JAKMIP1: variants seen among roughly 807,000 people sequenced by gnomAD.
JAKMIP1 encodes the protein janus kinase and microtubule interacting protein 1, also known as janus kinase and microtubule-interacting protein 1.
Under a neutral mutation model 113.0 loss-of-function variants are expected in JAKMIP1, and 33 were observed. The observed-to-expected ratio is 0.29, with a 90% confidence interval of 0.22 to 0.39. The LOEUF is 0.39. JAKMIP1 is among the 10% of genes least tolerant of loss of function. JAKMIP1 has a pLI of 1.00. For missense variants in JAKMIP1, 813 were observed against 1,080.5 expected (o/e 0.75, Z 3.47); for synonymous variants, 480 against 459.9 (o/e 1.04, Z -0.56).
intron 8 of JAKMIP1, among the ~76,000 whole-genome samples, chr4:6,077,951 C>T (rs1719915937): frequency 6.6e-6 from 1 of 152,178 alleles, no homozygotes; most frequent in Admixed American, 6.5e-5. Flanking sequence ...ACAGTCCCCA[C>T]CATTCCCTGT....
chr4:6,049,720 A>G lies in JAKMIP1; in HGVS notation c.1962+99T>C, dbSNP rs139776346. 1.5e-4 allele frequency: 131 copies of G among 886,908 alleles called. No individual in the cohort carries two copies. The African/African-American group carries it at 1.9e-3, about 13-fold the overall frequency. 54.9% of individuals were successfully genotyped at this position (886,908 alleles called of 1,614,324 possible). A position where few individuals can be genotyped will look rare whatever the true frequency, so the allele number is the denominator to read the frequency against. On this transcript the variant is annotated intron_variant, in intron 15 of 20. Coordinates refer to ENST00000409021, the MANE Select transcript of JAKMIP1 (RefSeq NM_001099433.2). The surrounding 1 kb of genome is among the most constrained non-coding windows in gnomAD (Gnocchi z 7.0). ...ACATTGTACTTCTTAGATCTCTTAC[A>G]TCAGAGAGAAATTAAAAACAAAACA... is the stretch of plus-strand genomic sequence containing the variant.
Position 6,184,496 on chromosome 4 carries a change from C to A in JAKMIP1, c.-148+15757G>T, listed in dbSNP as rs550527475. Reference sequence around the variant, plus strand: ...GCAGTATAAGAGCCAGGGTGCCTTCCCTCTTCCTCAAGAAAATACTAGAAG... The same window carrying A: ...GCAGTATAAGAGCCAGGGTGCCTTCACTCTTCCTCAAGAAAATACTAGAAG... On this transcript the variant is annotated intron_variant, in intron 1 of 20. Transcript: ENST00000409021. The surrounding 1 kb of genome is among the most constrained non-coding windows in gnomAD (Gnocchi z 4.5). Among the ~76,000 whole-genome samples the A allele has an allele frequency of 1.8e-3, 270 of 152,274 alleles. No homozygotes were observed. Among genetic ancestry groups the A allele is most frequent in the African/African-American group, 6.4e-3 (264 of 41,562 alleles).
intron 8 of JAKMIP1, among the ~76,000 whole-genome samples, chr4:6,068,626 C>T (rs1213339015): frequency 6.7e-6 from 1 of 148,280 alleles, no homozygotes; most frequent in Middle Eastern, 3.3e-3. Context: ...AGTGCAATCT[C>T]AACTTACTAC....
At position 6,089,559 on chromosome 4, in the gene JAKMIP1, C is replaced by T. The variant is rs1232789454; in HGVS notation, c.625-3930G>A. Among the ~76,000 whole-genome samples the T allele has an allele frequency of 6.6e-6, 1 of 152,180 alleles. No homozygotes were observed. The highest frequency in any genetic ancestry group is 2.4e-5 in the African/African-American group (1 of 41,444). ...ACTCTAGTTAGCAGCAGAACCATGA[C>T]TCAAGTGCAGATTGTACTCTCCAAG... On this transcript the variant is annotated intron_variant, in intron 3 of 20. Transcript: ENST00000409021. The surrounding 1 kb of genome is among the most constrained non-coding windows in gnomAD (Gnocchi z 5.3).
At chr4:6,100,621 G>A (rs1216440944) in intron 3 of JAKMIP1, among the ~76,000 whole-genome samples, 3 of 152,156 alleles carry the variant, frequency 2.0e-5, no homozygotes, top group Non-Finnish European at 2.9e-5. Context: ...GTCCGTAGGT[G>A]TCCTTTTTTT....
chr4:6,166,076 C>T (rs1198218050), intron 1 of JAKMIP1, among the ~76,000 whole-genome samples: 3 of 152,288 alleles, frequency 2.0e-5, no homozygotes, highest in Admixed American at 2.0e-4. Flanking sequence ...TTAGAAGGAT[C>T]CTGGTCCCAC....
rs775795052 is a variant in JAKMIP1, at chr4:6,158,160, C to T, written c.-148+42093G>A. ...GAACGCAAGGATGGGGAGAACGGAT[C>T]GCCTCACAGTGTGGAGGGCAGACCA... is the stretch of plus-strand genomic sequence containing the variant. On this transcript the variant is annotated intron_variant, in intron 1 of 20. Coordinates refer to ENST00000409021, the MANE Select transcript of JAKMIP1 (RefSeq NM_001099433.2). This position sits in a 1 kb window ranked among gnomAD's most constrained non-coding sequence, Gnocchi z 5.3. 5.9e-5 allele frequency among the ~76,000 whole-genome samples: 9 copies of T among 152,194 alleles called. No homozygotes were observed. Among genetic ancestry groups the T allele is most frequent in the African/African-American group, 1.9e-4 (8 of 41,448 alleles).
intron 1 of JAKMIP1, among the ~76,000 whole-genome samples, chr4:6,177,341 C>T (rs1725466038): frequency 6.6e-6 from 1 of 152,164 alleles, no homozygotes; most frequent in Non-Finnish European, 1.5e-5. Flanking sequence ...CATAGAAAGA[C>T]AGGATTTGAA....
At chr4:6,147,408 G>A (rs1454470137) in intron 1 of JAKMIP1, among the ~76,000 whole-genome samples, 3 of 152,176 alleles carry the variant, frequency 2.0e-5, no homozygotes, top group Non-Finnish European at 4.4e-5. Flanking sequence ...ACGGAAACAT[G>A]GGAGAATGTC....
intron 1 of JAKMIP1, among the ~76,000 whole-genome samples, chr4:6,182,515 A>G (rs977835700): frequency 6.6e-6 from 1 of 152,204 alleles, no homozygotes; most frequent in Non-Finnish European, 1.5e-5. Flanking sequence ...GCGAGGGCAC[A>G]GTAAGAAGGC....
At chr4:6,114,764 C>CAT (rs1715486733) in intron 1 of JAKMIP1, among the ~76,000 whole-genome samples, 1 of 152,220 alleles carries the variant, frequency 6.6e-6, no homozygotes, top group Non-Finnish European at 1.5e-5. Flanking sequence ...GAGCTTGATA[C>CAT]ATAATTCATT....
rs1720480737 is a variant in JAKMIP1, at chr4:6,143,791, T to A, written c.-147-30794A>T. 6.6e-6 allele frequency among the ~76,000 whole-genome samples: 1 copy of A among 152,314 alleles called. No individual in the cohort carries two copies. On this transcript the variant is annotated intron_variant, in intron 1 of 20. Coordinates refer to ENST00000409021, the MANE Select transcript of JAKMIP1 (RefSeq NM_001099433.2). The surrounding 1 kb of genome is among the most constrained non-coding windows in gnomAD (Gnocchi z 4.9). The stretch of plus-strand genomic sequence containing the variant: ...CACGCTGCTCTAGAACAGTTTTTTA[T>A]TTAAATAGAGAAGAAAAAAGAACAA...
At chr4:6,070,966 G>GA (rs1469050296) in intron 8 of JAKMIP1, among the ~76,000 whole-genome samples, 2 of 152,198 alleles carry the variant, frequency 1.3e-5, no homozygotes, top group South Asian at 2.1e-4. Flanking sequence ...TCATGCTGCA[G>GA]AAAAAATGGA....
rs1722481456 is a variant in JAKMIP1, at chr4:6,158,172, TG to T, written c.-148+42080del. 6.6e-6 allele frequency among the ~76,000 whole-genome samples: 1 copy of T among 152,214 alleles called. No homozygotes were observed. Among genetic ancestry groups the T allele is most frequent in the African/African-American group, 2.4e-5 (1 of 41,452 alleles). On this transcript the variant is annotated intron_variant, in intron 1 of 20. Transcript: ENST00000409021. The surrounding 1 kb of genome is among the most constrained non-coding windows in gnomAD (Gnocchi z 5.3). ...GGGGAGAACGGATCGCCTCACAGTG[TG>T]GAGGGCAGACCATGCTGTAGGTCAT...
intron 1 of JAKMIP1, among the ~76,000 whole-genome samples, chr4:6,149,546 T>A (rs1173984396): frequency 6.6e-6 from 1 of 152,232 alleles, no homozygotes; most frequent in African/African-American, 2.4e-5. Flanking sequence ...AATCCCAGTT[T>A]GCTACACACG....
At chr4:6,043,126 C>T (rs1714555423) in intron 16 of JAKMIP1, among the ~76,000 whole-genome samples, 1 of 151,990 alleles carries the variant, frequency 6.6e-6, no homozygotes, top group Admixed American at 6.6e-5. Flanking sequence ...TTGACAACAC[C>T]ATTGACCTCC....
At chr4:6,172,556 C>T (rs566358829) in intron 1 of JAKMIP1, among the ~76,000 whole-genome samples, 14 of 152,146 alleles carry the variant, frequency 9.2e-5, no homozygotes, top group African/African-American at 2.9e-4. Flanking sequence ...AGGTAGCTCA[C>T]GGCCATCTCA....
Position 6,194,926 on chromosome 4 carries a change from C to G in JAKMIP1, c.-148+5327G>C, listed in dbSNP as rs2109066780. On this transcript the variant is annotated intron_variant, in intron 1 of 20. Transcript: ENST00000409021. The surrounding 1 kb of genome is among the most constrained non-coding windows in gnomAD (Gnocchi z 7.4). ...CCACCTCAGACCACACAGAGGGGAA[C>G]AGGCTGACCTAACACAAGTGGGCGG... Among the ~76,000 whole-genome samples the G allele has an allele frequency of 6.6e-6, 1 of 152,256 alleles. No individual in the cohort carries two copies. Among genetic ancestry groups the G allele is most frequent in the East Asian group, 1.9e-4 (1 of 5,184 alleles).
Position 6,034,348 on chromosome 4 carries a change from G to A in JAKMIP1, c.2379+1556C>T, listed in dbSNP as rs192393353. Among the ~76,000 whole-genome samples the A allele has an allele frequency of 8.5e-5, 13 of 152,172 alleles. No individual in the cohort carries two copies. The East Asian group carries it at 1.2e-3, about 14-fold the overall frequency. On this transcript the variant is annotated intron_variant, in intron 19 of 20. Coordinates refer to ENST00000409021, the MANE Select transcript of JAKMIP1 (RefSeq NM_001099433.2). ...ATGGGGGATCCAGAGTTCAGAGCCCGGCCGTCTGGTCCCAGTGTCTGTGTT... is the reference window on the plus strand; with the variant it reads ...ATGGGGGATCCAGAGTTCAGAGCCCAGCCGTCTGGTCCCAGTGTCTGTGTT...
Sources: gnomAD v4.1 joint callset for allele counts (sites outside exome capture counted in the v4.1 genomes callset) on GRCh38, gnomAD v4.1.1 for gene constraint, Gnocchi (gnomAD v3.1) non-coding constraint, MANE v1.5 for transcripts, NCBI Gene and HGNC (gene_info 2026-07-23, HGNC 2026-07-21) for gene names.